ATP4A: variants seen among roughly 807,000 people sequenced by gnomAD.
ATP4A encodes the protein potassium-transporting ATPase alpha chain 1.
In ATP4A, 73 loss-of-function variants were observed where a neutral mutation model predicts 112.1. The ratio of observed to expected loss-of-function variants is 0.65; its 90% confidence interval spans 0.54 to 0.79. The LOEUF is 0.79. Among genes scored for constraint, ATP4A ranks in the 30% least tolerant of loss-of-function variants. The pLI, the probability that ATP4A is intolerant of heterozygous loss-of-function variation, is 0.00. For missense variants in ATP4A, 1,081 were observed against 1,425.9 expected, an observed-to-expected ratio of 0.76 and a Z score of 3.90; for synonymous variants, 588 against 588.9, an observed-to-expected ratio of 1.00 and a Z score of 0.02.
chr19:35,553,556 A>G, intron 17 of ATP4A, 150 bp downstream of exon 17: 1 of 1,207,548 alleles, frequency 8.3e-7, no homozygotes, highest in South Asian at 1.6e-5. Flanking sequence ...TGTCACAAAC[A>G]GAGAGGGACA....
chr19:35,560,952 G>A lies in ATP4A; in HGVS notation c.421-20C>T. 1 of 1,609,914 alleles carries A rather than the reference G, an allele frequency of 6.2e-7. No individual in the cohort carries two copies. Among genetic ancestry groups the A allele is most frequent in the Non-Finnish European group, 8.5e-7 (1 of 1,176,458 alleles). On this transcript the variant is annotated intron_variant, in intron 4 of 21. Transcript: ENST00000262623. This position sits in a 1 kb window ranked among gnomAD's most constrained non-coding sequence, Gnocchi z 5.1. ...GTACAGCTGGGGACAGGGAAGGGGT[G>A]GGGTTATTCAGAGGGGCCGGAAGCT...
In ATP4A at chr19:35,557,438, G is replaced by A. The variant is rs1303832488; in HGVS notation, c.1693+217C>T. On this transcript the variant is annotated intron_variant, in intron 11 of 21. Coordinates refer to ENST00000262623, the MANE Select transcript of ATP4A (RefSeq NM_000704.3). This position sits in a 1 kb window ranked among gnomAD's most constrained non-coding sequence, Gnocchi z 4.4. ...GGGAGAGGTTAGAGGTCAGGATACG[G>A]ATAAAAGTCCAGGTGAGGACTGGGG... is the stretch of plus-strand genomic sequence containing the variant. 6.6e-6 allele frequency among the ~76,000 whole-genome samples: 1 copy of A among 152,226 alleles called. No homozygotes were observed. The highest frequency in any genetic ancestry group is 2.1e-4 in the South Asian group (1 of 4,826).
intron 4 of ATP4A, among the ~76,000 whole-genome samples, chr19:35,561,135 C>T (rs1409284472): frequency 6.6e-6 from 1 of 152,054 alleles, no homozygotes; most frequent in Non-Finnish European, 1.5e-5. Flanking sequence ...TCTGTCTTCT[C>T]AGTGTCTTGT....
Position 35,560,125 on chromosome 19 carries a change from G to T in ATP4A, c.788-52C>A, listed in dbSNP as rs1162242110. On this transcript the variant is annotated intron_variant, in intron 6 of 21. Coordinates refer to ENST00000262623, the MANE Select transcript of ATP4A (RefSeq NM_000704.3). The surrounding 1 kb of genome is among the most constrained non-coding windows in gnomAD (Gnocchi z 5.1). ...GGGATAGGGGGCGGCAGTGGGGTGT[G>T]CACTGCCGTGTGAGCTGAAGGACAG... is the stretch of plus-strand genomic sequence containing the variant. 6.3e-7 allele frequency: 1 copy of T among 1,598,472 alleles called. No individual in the cohort carries two copies. Among genetic ancestry groups the T allele is most frequent in the Non-Finnish European group, 8.5e-7 (1 of 1,171,048 alleles).
In ATP4A at chr19:35,555,396, C is replaced by T. The variant is rs375600483; in HGVS notation, c.2157+44G>A. The T allele has an allele frequency of 2.6e-5, 41 of 1,600,032 alleles. No individual in the cohort carries two copies. In the African/African-American group the frequency reaches 4.7e-4, roughly 18 times the overall value. On this transcript the variant is annotated intron_variant, in intron 14 of 21. Coordinates refer to ENST00000262623, the MANE Select transcript of ATP4A (RefSeq NM_000704.3). The surrounding 1 kb of genome is among the most constrained non-coding windows in gnomAD (Gnocchi z 6.6). ...AGTGAGAGGCCGGTCCAAGACCAGC[C>T]CCGCCTGTCTGCCCGCCTGCCCACC...
Position 35,560,127 on chromosome 19 carries a change from A to G in ATP4A, c.788-54T>C. On this transcript the variant is annotated intron_variant, in intron 6 of 21. Transcript: ENST00000262623. This position sits in a 1 kb window ranked among gnomAD's most constrained non-coding sequence, Gnocchi z 5.1. ...GATAGGGGGCGGCAGTGGGGTGTGC[A>G]CTGCCGTGTGAGCTGAAGGACAGCC... 2 of 1,600,304 alleles carry G rather than the reference A, an allele frequency of 1.2e-6. No individual in the cohort carries two copies. Among genetic ancestry groups the G allele is most frequent in the Non-Finnish European group, 8.5e-7 (1 of 1,172,850 alleles).
Position 35,550,933 on chromosome 19 carries a change from C to T in ATP4A, c.2988-8G>A. The T allele has an allele frequency of 1.2e-6, 2 of 1,614,058 alleles. No homozygotes were observed. The highest frequency in any genetic ancestry group is 1.7e-6 in the Non-Finnish European group (2 of 1,179,932). ...ACCAGCCACCACTGGAACCTGAAGG[C>T]ACATGGCAAGGTGAAGGCCATCCCA... On this transcript the variant is annotated splice_region_variant and splice_polypyrimidine_tract_variant and intron_variant, in intron 20 of 21. Coordinates refer to ENST00000262623, the MANE Select transcript of ATP4A (RefSeq NM_000704.3). This position sits in a 1 kb window ranked among gnomAD's most constrained non-coding sequence, Gnocchi z 4.1.
In ATP4A at chr19:35,560,553, G is replaced by A. The variant is rs199859429; in HGVS notation, c.597C>T (p.Gly199=). ...FQINADQLVV[G]DLVEMKGGDR... is the part of the protein sequence containing the mutation. ...CCCCACCTTTCATCTCCACCAGGTC[G>A]CCCACCACCAGTTGGTCAGCGTTGA... The change falls in exon 6 of 22, where the codon GGC becomes GGT. Residue 199 remains glycine (G), a synonymous_variant. Coordinates refer to ENST00000262623, the MANE Select transcript of ATP4A (RefSeq NM_000704.3). This position sits in a 1 kb window ranked among gnomAD's most constrained non-coding sequence, Gnocchi z 5.1. 7 of 1,612,590 alleles carry A rather than the reference G, an allele frequency of 4.3e-6. No individual in the cohort carries two copies. Among genetic ancestry groups the A allele is most frequent in the African/African-American group, 2.7e-5 (2 of 74,812 alleles).
chr19:35,559,689 A>T lies in ATP4A; in HGVS notation c.1056+116T>A. The T allele has an allele frequency of 6.9e-7, 1 of 1,440,970 alleles. No individual in the cohort carries two copies. The highest frequency in any genetic ancestry group is 1.4e-5 in the South Asian group (1 of 70,598). The allele number at this position is 1,440,970 out of a possible 1,614,324, so 89.3% of individuals were successfully genotyped here. A position where few individuals can be genotyped will look rare whatever the true frequency, so the allele number is the denominator to read the frequency against. ...GGATGATGGGAAGGCAGGAGAATGG[A>T]TGGGAGCTAAGTGGACAGATAGACA... On this transcript the variant is annotated intron_variant, in intron 7 of 21. Coordinates refer to ENST00000262623, the MANE Select transcript of ATP4A (RefSeq NM_000704.3). This position sits in a 1 kb window ranked among gnomAD's most constrained non-coding sequence, Gnocchi z 4.1.
chr19:35,562,421 A>G lies in ATP4A; in HGVS notation c.420+14T>C. 6.2e-7 allele frequency: 1 copy of G among 1,610,942 alleles called. No homozygotes were observed. The highest frequency in any genetic ancestry group is 8.5e-7 in the Non-Finnish European group (1 of 1,178,482). The stretch of plus-strand genomic sequence containing the variant: ...GTCCCCATGTCCTGAGCCTGTCCCC[A>G]CAACATGGCTCACATTGTCGTCGGT... On this transcript the variant is annotated intron_variant, in intron 4 of 21. Transcript: ENST00000262623.
Position 35,555,785 on chromosome 19 carries a change from T to G in ATP4A, c.1897A>C (p.Ile633Leu). ...RVIMVTGDHP[I>L]TAKAIAASVG... ...CTGGCTGCAATGGCCTTGGCGGTGA[T>G]GGGGTGGTCACCCGTTACCATGATC... The change falls in exon 13 of 22, where the codon ATC becomes CTC. Residue 633 changes from isoleucine (I) to leucine (L), a missense_variant. Coordinates refer to ENST00000262623, the MANE Select transcript of ATP4A (RefSeq NM_000704.3). This position sits in a 1 kb window ranked among gnomAD's most constrained non-coding sequence, Gnocchi z 6.6. 6.2e-7 allele frequency: 1 copy of G among 1,613,308 alleles called. No individual in the cohort carries two copies.
chr19:35,560,234 C>A lies in ATP4A; in HGVS notation c.787+129G>T. ...GAAGCAGTGTGCCCTGGGGAGGTGG[C>A]AGTCACGGGGAGGTGGCAGTCATGC... On this transcript the variant is annotated intron_variant, in intron 6 of 21. Transcript: ENST00000262623. The surrounding 1 kb of genome is among the most constrained non-coding windows in gnomAD (Gnocchi z 5.1). 1.3e-6 allele frequency: 2 copies of A among 1,529,234 alleles called. No individual in the cohort carries two copies. The highest frequency in any genetic ancestry group is 2.5e-5 in the South Asian group (2 of 81,150). 94.7% of individuals were successfully genotyped at this position (1,529,234 alleles called of 1,614,324 possible).
At chr19:35,556,115 G>A (rs1012933761) in intron 12 of ATP4A, among the ~76,000 whole-genome samples, 2 of 152,198 alleles carry the variant, frequency 1.3e-5, no homozygotes, top group Non-Finnish European at 2.9e-5. Flanking sequence ...GGCTTATTGA[G>A]AAGGTGATAT....
intron 4 of ATP4A, among the ~76,000 whole-genome samples, chr19:35,561,616 T>G (rs2071671258): frequency 6.6e-6 from 1 of 152,100 alleles, no homozygotes; most frequent in Admixed American, 6.6e-5. Flanking sequence ...TGAGTCCCCA[T>G]GTCCCTTGCC....
In ATP4A at chr19:35,560,883, A is replaced by C; in HGVS notation, c.470T>G (p.Phe157Cys). The change falls in exon 5 of 22, where the codon TTT becomes TGT. Residue 157 changes from phenylalanine (F) to cysteine (C), a missense_variant. This residue lies in a region of ATP4A where 850 missense variants were observed against 1,068.2 expected (regional missense o/e 0.80). Transcript: ENST00000262623. This position sits in a 1 kb window ranked among gnomAD's most constrained non-coding sequence, Gnocchi z 5.1. ...GCTCTTGAATTCCTGGTAGTAGCCA[A>C]AGCAGCCGGTGACGACAACCACAGC... ...LIAVVVVTGC[F>C]GYYQEFKSTN... 4 of 1,614,052 alleles carry C rather than the reference A, an allele frequency of 2.5e-6. No homozygotes were observed. The highest frequency in any genetic ancestry group is 3.4e-6 in the Non-Finnish European group (4 of 1,179,966).
In ATP4A at chr19:35,553,806, A is replaced by G. The variant is rs777733800; in HGVS notation, c.2505T>C (p.Tyr835=). The change falls in exon 17 of 22, where the codon TAT becomes TAC. Residue 835 remains tyrosine (Y), a synonymous_variant. Transcript: ENST00000262623. ...GCATGATGTCACTCTCGGCCTTTTCATATGCCAGGGACACAGATGGGAACT... is the reference window on the plus strand; with the variant it reads ...GCATGATGTCACTCTCGGCCTTTTCGTATGCCAGGGACACAGATGGGAACT... ...TDIFPSVSLA[Y]EKAESDIMHL... 1.2e-5 allele frequency: 19 copies of G among 1,590,088 alleles called. No homozygotes were observed. Among genetic ancestry groups the G allele is most frequent in the Non-Finnish European group, 1.6e-5 (19 of 1,168,180 alleles).
At chr19:35,556,546 G>T (rs971533101) in intron 12 of ATP4A, among the ~76,000 whole-genome samples, 10 of 152,186 alleles carry the variant, frequency 6.6e-5, no homozygotes, top group Admixed American at 5.2e-4. Context: ...AGGGATAAAT[G>T]AGTGACCCAA....
chr19:35,558,176 C>T lies in ATP4A; in HGVS notation c.1500+186G>A, dbSNP rs902698905. ...CGCCGAGGAGAAGCTGTGGGCGGGG[C>T]TGGGTGGTGGGCGGGGCCTTGCCTC... is the stretch of plus-strand genomic sequence containing the variant. On this transcript the variant is annotated intron_variant, in intron 10 of 21. Transcript: ENST00000262623. This position sits in a 1 kb window ranked among gnomAD's most constrained non-coding sequence, Gnocchi z 5.1. 2 of 791,294 alleles carry T rather than the reference C, an allele frequency of 2.5e-6. No homozygotes were observed. The highest frequency in any genetic ancestry group is 2.0e-6 in the Non-Finnish European group (1 of 512,394). 49.0% of individuals were successfully genotyped at this position (791,294 alleles called of 1,614,324 possible).
Position 35,560,110 on chromosome 19 carries a change from G to T in ATP4A, c.788-37C>A, listed in dbSNP as rs745740609. ...CCAAGGCGCGACTCAGGGATAGGGGGCGGCAGTGGGGTGTGCACTGCCGTG... is the reference window on the plus strand; with the variant it reads ...CCAAGGCGCGACTCAGGGATAGGGGTCGGCAGTGGGGTGTGCACTGCCGTG... On this transcript the variant is annotated intron_variant, in intron 6 of 21. Transcript: ENST00000262623. This position sits in a 1 kb window ranked among gnomAD's most constrained non-coding sequence, Gnocchi z 5.1. The T allele has an allele frequency of 6.2e-7, 1 of 1,609,338 alleles. No homozygotes were observed. Among genetic ancestry groups the T allele is most frequent in the South Asian group, 1.1e-5 (1 of 90,700 alleles).
Sources: gnomAD v4.1 joint callset for allele counts (sites outside exome capture counted in the v4.1 genomes callset) on GRCh38, gnomAD v4.1.1 for gene constraint, gnomAD v4.1.1 regional missense constraint, Gnocchi (gnomAD v3.1) non-coding constraint, MANE v1.5 for transcripts, NCBI Gene and HGNC (gene_info 2026-07-23, HGNC 2026-07-21) for gene names.